The following GLIS3 variants were observed in gnomAD, a reference collection of about 807,000 sequenced individuals.
The protein encoded by GLIS3 is zinc finger protein GLIS3.
In GLIS3, 53 loss-of-function variants were observed where a neutral mutation model predicts 78.6. The ratio of observed to expected loss-of-function variants is 0.67; its 90% CI spans 0.54 to 0.85. GLIS3 has a LOEUF of 0.85. GLIS3 is among the 40% of genes least tolerant of loss of function. GLIS3 has a pLI of 0.00. For synonymous variants in GLIS3, 684 were observed against 509.9 expected (o/e 1.34, Z -4.60); for missense variants, 1,703 against 1,231.1 (o/e 1.38, Z -5.74).
intron 4 of GLIS3, among the ~76,000 whole-genome samples, chr9:3,969,294 G>A (rs948482322): frequency 6.6e-6 from 1 of 152,190 alleles, no homozygotes; most frequent in Non-Finnish European, 1.5e-5. Context: ...TGAATAAAAG[G>A]TTGCTTATAA....
the GLIS3 span, among the ~76,000 whole-genome samples, chr9:4,371,099 A>C: frequency 6.6e-6 from 1 of 152,218 alleles, no homozygotes; most frequent in Non-Finnish European, 1.5e-5. Context: ...TTTTGTAATA[A>C]GAAAAAAATA....
At chr9:4,290,046 G>GT in intron 1 of GLIS3, among the ~76,000 whole-genome samples, 1 of 152,128 alleles carries the variant, frequency 6.6e-6, no homozygotes, top group Admixed American at 6.5e-5. Context: ...TTAAACAAAC[G>GT]AAAAGCAATG....
At chr9:3,974,562 T>C (rs1818625247) in intron 4 of GLIS3, among the ~76,000 whole-genome samples, 2 of 152,164 alleles carry the variant, frequency 1.3e-5, no homozygotes, top group South Asian at 4.1e-4. Flanking sequence ...TTTCTAAAAG[T>C]CAATCAGCAC....
chr9:4,125,673 A>G, intron 3 of GLIS3, 61 bp downstream of exon 3: 1 of 1,158,416 alleles, frequency 8.6e-7, no homozygotes, highest in East Asian at 2.3e-5. Flanking sequence ...AAGAGAACGG[A>G]AAACACTTGT....
intron 4 of GLIS3, among the ~76,000 whole-genome samples, chr9:4,084,296 A>ACACACACACACACAC (rs1564025137): frequency 1.4e-4 from 7 of 48,758 alleles, no homozygotes; most frequent in Non-Finnish European, 2.1e-4. Context: ...CACACACACA[A>ACACACACACACACAC]ATTCCTAGCC....
chr9:3,986,040 T>C (rs1234669622), intron 4 of GLIS3, among the ~76,000 whole-genome samples: 1 of 152,212 alleles, frequency 6.6e-6, no homozygotes, highest in Non-Finnish European at 1.5e-5. Context: ...AAGAAGGACT[T>C]TCCTGAAGAA....
At chr9:4,214,468 T>A (rs147706413) in intron 2 of GLIS3, among the ~76,000 whole-genome samples, 9 of 152,314 alleles carry the variant, frequency 5.9e-5, no homozygotes, top group Non-Finnish European at 1.2e-4. Flanking sequence ...CCACATTGAC[T>A]GAGAATCTCC....
intron 2 of GLIS3, among the ~76,000 whole-genome samples, chr9:4,244,104 C>T (rs1823579845): frequency 6.6e-6 from 1 of 152,170 alleles, no homozygotes; most frequent in Admixed American, 6.5e-5. Flanking sequence ...ACTAACATTC[C>T]AAGCCTTCCA....
intron 4 of GLIS3, among the ~76,000 whole-genome samples, chr9:4,100,055 C>G (rs188873083): frequency 6.6e-6 from 1 of 152,304 alleles, no homozygotes; most frequent in African/African-American, 2.4e-5. Context: ...TAAAATGACA[C>G]ATACTACAGA....
At chr9:3,881,988 G>A (rs1381854721) in intron 7 of GLIS3, among the ~76,000 whole-genome samples, 2 of 152,168 alleles carry the variant, frequency 1.3e-5, no homozygotes, top group Non-Finnish European at 2.9e-5. Flanking sequence ...TTTCTGTGAT[G>A]TCCTCTACCT....
intron 3 of GLIS3, chr9:4,123,573 A>G: frequency 6.0e-6 from 2 of 335,812 alleles, no homozygotes; most frequent in Non-Finnish European, 1.1e-5. Flanking sequence ...CTTTCTTTAT[A>G]AAGTGGAATC....
chr9:4,214,181 G>C (rs1820620165), intron 2 of GLIS3, among the ~76,000 whole-genome samples: 1 of 152,156 alleles, frequency 6.6e-6, no homozygotes, highest in Non-Finnish European at 1.5e-5. Context: ...CAAAAAGTAG[G>C]ATAATTGCTC....
At chr9:4,345,670 T>C (rs1817888481) in intron 2 of GLIS3, among the ~76,000 whole-genome samples, 1 of 152,208 alleles carries the variant, frequency 6.6e-6, no homozygotes, top group Non-Finnish European at 1.5e-5. Context: ...TATCTTCTTT[T>C]CCCTCCAAAC....
chr9:4,392,193 G>C, the GLIS3 span, among the ~76,000 whole-genome samples: 4 of 151,678 alleles, frequency 2.6e-5, no homozygotes, highest in African/African-American at 9.7e-5. Flanking sequence ...TGAACGATGA[G>C]AGCACATGGA....
At chr9:4,411,722 C>T in the GLIS3 span, among the ~76,000 whole-genome samples, 10 of 152,166 alleles carry the variant, frequency 6.6e-5, no homozygotes, top group Non-Finnish European at 1.0e-4. Flanking sequence ...ACAGCTCATG[C>T]TCCCAAAGAA....
intron 2 of GLIS3, among the ~76,000 whole-genome samples, chr9:4,260,559 T>C (rs1334138448): frequency 1.6e-5 from 2 of 123,660 alleles, no homozygotes; most frequent in Non-Finnish European, 1.7e-5. Context: ...TGAGTGAGAC[T>C]CTGTCTCAAA....
intron 2 of GLIS3, among the ~76,000 whole-genome samples, chr9:4,221,578 G>C (rs1191599365): frequency 6.6e-6 from 1 of 152,024 alleles, no homozygotes; most frequent in East Asian, 1.9e-4. Flanking sequence ...TACCTGACTT[G>C]ATTTTTTTTT....
Position 3,879,626 on chromosome 9 carries a change from G to T in GLIS3, c.2129-31C>A, listed in dbSNP as rs1429122479. On this transcript the variant is annotated intron_variant, in intron 7 of 10. Coordinates refer to ENST00000381971, the MANE Select transcript of GLIS3 (RefSeq NM_001042413.2). ...ATCAAGGGAGAACAAACATGAGACC[G>T]TGCCCCAAAGGAAGCCCACGTTTTT... is the stretch of plus-strand genomic sequence containing the variant. The T allele has an allele frequency of 3.1e-6, 5 of 1,612,500 alleles. No homozygotes were observed. In the South Asian group the frequency reaches 5.5e-5, roughly 18 times the overall value.
chr9:3,899,667 G>C (rs1823138980), intron 6 of GLIS3, among the ~76,000 whole-genome samples: 1 of 152,166 alleles, frequency 6.6e-6, no homozygotes, highest in Non-Finnish European at 1.5e-5. Flanking sequence ...TAAAGAGTGT[G>C]TGTATAAATG....
Sources: allele counts gnomAD v4.1 joint callset (sites outside exome capture counted in the v4.1 genomes callset), GRCh38; gene constraint gnomAD v4.1.1; transcripts MANE v1.5; gene names NCBI Gene and HGNC (gene_info 2026-07-23, HGNC 2026-07-21).